The following INPP5J variants were observed in gnomAD, a reference collection of about 807,000 sequenced individuals.
The protein encoded by INPP5J is inositol polyphosphate-5-phosphatase J, also known as phosphatidylinositol 4,5-bisphosphate 5-phosphatase A.
In INPP5J, 75 loss-of-function variants were observed where a neutral mutation model predicts 86.6. The ratio of observed to expected loss-of-function variants is 0.87; its 90% CI spans 0.72 to 1.05. The LOEUF (loss-of-function observed/expected upper bound fraction) is 1.05, where lower values mean the gene tolerates loss of function less well. Ranked by LOEUF, INPP5J falls within the 50% of genes least tolerant of loss-of-function variation. The pLI, the probability that INPP5J is intolerant of heterozygous loss-of-function variation, is 0.00. For synonymous variants in INPP5J, 540 were observed against 550.0 expected, an observed-to-expected ratio of 0.98 and a Z score of 0.25; for missense variants, 1,229 against 1,341.2, an observed-to-expected ratio of 0.92 and a Z score of 1.31.
In INPP5J at chr22:31,125,710, C is replaced by A. The variant is rs746798992; in HGVS notation, c.971C>A (p.Ser324Tyr). The A allele has an allele frequency of 1.3e-6, 2 of 1,550,938 alleles. No individual in the cohort carries two copies. Among genetic ancestry groups the A allele is most frequent in the Non-Finnish European group, 1.7e-6 (2 of 1,146,726 alleles). The change falls in exon 2 of 13, where the codon TCC (serine) becomes TAC (tyrosine). Residue 324 changes from serine (S) to tyrosine (Y), a missense_variant. Physicochemically the swap from Ser to Tyr is moderately radical, Grantham distance 144 (BLOSUM62 -2). Transcript: ENST00000331075. ...EPGTHSPGLLSPTFRPGAPSG... is the reference protein window; with the variant it reads ...EPGTHSPGLLYPTFRPGAPSG... ...GGCACTCACTCCCCTGGACTTCTGTCCCCCACCTTCCGGCCTGGGGCCCCC... is the reference window on the plus strand; with the variant it reads ...GGCACTCACTCCCCTGGACTTCTGTACCCCACCTTCCGGCCTGGGGCCCCC...
chr22:31,131,478 G>C (rs1474794800), intron 9 of INPP5J, among the ~76,000 whole-genome samples: 1 of 151,924 alleles, frequency 6.6e-6, no homozygotes, highest in East Asian at 1.9e-4. Flanking sequence ...TAGAGGAATT[G>C]CTTGAACCCG....
chr22:31,125,464 C>A lies in INPP5J; in HGVS notation c.725C>A (p.Ala242Asp), dbSNP rs866331367. 25 of 1,550,574 alleles carry A rather than the reference C, an allele frequency of 1.6e-5. No homozygotes were observed. In the African/African-American group the frequency reaches 1.9e-4, roughly 12 times the overall value. Residue 242 changes from alanine (A) to aspartate (D), a missense_variant, in exon 2 of 13, where the codon GCC becomes GAC. Ala to Asp is a moderately radical substitution (Grantham distance 126). Transcript: ENST00000331075. ...TCAGCTAGAAAGAGGGATGCCCCAG[C>A]CCCTAGACCTCTCCCTGCTTCTGAG... ...QTSARKRDAP[A>D]PRPLPASEGH...
intron 6 of INPP5J, 176 bp from the exon 7 acceptor site, chr22:31,127,775 C>T: frequency 1.6e-6 from 1 of 642,260 alleles, no homozygotes; most frequent in Admixed American, 2.8e-5. Context: ...GTAGACCGGT[C>T]CCTCTGCTTT....
intron 9 of INPP5J, among the ~76,000 whole-genome samples, chr22:31,132,417 T>C (rs1326289357): frequency 6.6e-6 from 1 of 152,176 alleles, no homozygotes; most frequent in Non-Finnish European, 1.5e-5. Flanking sequence ...TCACTGAATC[T>C]GCTGAACAAC....
Position 31,128,396 on chromosome 22 carries a change from G to A in INPP5J, c.2009+73G>A, listed in dbSNP as rs556409243. Reference sequence around the variant, plus strand: ...CTCGAACAGGGAGACTTTGGGAAGAGGGGCAGGAGGCAAGGTGGAGGGTTA... The same window carrying A: ...CTCGAACAGGGAGACTTTGGGAAGAAGGGCAGGAGGCAAGGTGGAGGGTTA... On this transcript the variant is annotated intron_variant, in intron 8 of 12. Coordinates refer to ENST00000331075, the MANE Select transcript of INPP5J (RefSeq NM_001284285.2). 12 of 1,577,066 alleles carry A rather than the reference G, an allele frequency of 7.6e-6. No homozygotes were observed. In the Admixed American group the frequency reaches 1.6e-4, roughly 22 times the overall value.
intron 9 of INPP5J, among the ~76,000 whole-genome samples, chr22:31,132,398 A>C (rs1922133319): frequency 1.3e-5 from 2 of 152,166 alleles, no homozygotes; most frequent in African/African-American, 4.8e-5. Context: ...ATGCTTTGCA[A>C]ATGGTGTCTC....
chr22:31,125,689 C>G lies in INPP5J; in HGVS notation c.950C>G (p.Thr317Ser). ...GGCCAGGGTCCTTCAGAGCCTGGCACTCACTCCCCTGGACTTCTGTCCCCC... is the reference window on the plus strand; with the variant it reads ...GGCCAGGGTCCTTCAGAGCCTGGCAGTCACTCCCCTGGACTTCTGTCCCCC... ...DVGQGPSEPG[T>S]HSPGLLSPTF... The change falls in exon 2 of 13, where the codon ACT (threonine) becomes AGT (serine). Residue 317 changes from threonine (T) to serine (S), a missense_variant. Transcript: ENST00000331075. 6.4e-7 allele frequency: 1 copy of G among 1,550,978 alleles called. No individual in the cohort carries two copies. The highest frequency in any genetic ancestry group is 8.7e-7 in the Non-Finnish European group (1 of 1,146,988).
At chr22:31,133,770 C>T (rs1293417604) in intron 12 of INPP5J, 56 bp downstream of exon 12, 7 of 1,565,574 alleles carry the variant, frequency 4.5e-6, no homozygotes, top group Admixed American at 3.4e-5. Context: ...TCAAATGCCA[C>T]AGCCTCTACA....
At position 31,133,422 on chromosome 22, in the gene INPP5J, G is replaced by A. The variant is rs1472400099; in HGVS notation, c.2348G>A (p.Cys783Tyr). The change falls in exon 11 of 13, where the codon TGC becomes TAC. Residue 783 changes from cysteine to tyrosine, a missense_variant. Cys to Tyr is a radical substitution (Grantham distance 194). Transcript: ENST00000331075. ...IGLYRVGFRH[C>Y]KDYVAYVWAK... is the part of the protein sequence containing the mutation. ...ATCCCCCAGGTGGGTTTCCGCCATT[G>A]CAAGGACTATGTGGCTTATGTCTGG... The A allele has an allele frequency of 1.2e-6, 2 of 1,613,904 alleles. No homozygotes were observed. Among genetic ancestry groups the A allele is most frequent in the South Asian group, 2.2e-5 (2 of 91,070 alleles).
At chr22:31,128,108 C>A in intron 7 of INPP5J, 46 bp downstream of exon 7, 1 of 1,483,156 alleles carries the variant, frequency 6.7e-7, no homozygotes, top group Non-Finnish European at 9.4e-7. Context: ...TCCCAGGACA[C>A]GCCTGTACCT....
At chr22:31,131,728 T>A (rs562531854) in intron 9 of INPP5J, among the ~76,000 whole-genome samples, 1 of 152,208 alleles carries the variant, frequency 6.6e-6, no homozygotes, top group Non-Finnish European at 1.5e-5. Context: ...CTTAAGTCTC[T>A]TAGCCAAGGC....
In INPP5J at chr22:31,125,137, T is replaced by C; in HGVS notation, c.398T>C (p.Leu133Pro). The stretch of plus-strand genomic sequence containing the variant: ...CCCCCAGCGACCACAGGCTCAGTTC[T>C]GGCTCCGACGTCCCTGGGGCTGGTG... Reference protein sequence around the residue: ...KPPPATTGSVLAPTSLGLVMP... With the variant: ...KPPPATTGSVPAPTSLGLVMP... Residue 133 changes from leucine to proline, a missense_variant, in exon 2 of 13, where the codon CTG (leucine) becomes CCG (proline). Leu to Pro is a moderately conservative substitution (Grantham distance 98). Coordinates refer to ENST00000331075, the MANE Select transcript of INPP5J (RefSeq NM_001284285.2). The C allele has an allele frequency of 6.5e-7, 1 of 1,550,318 alleles. No homozygotes were observed. Among genetic ancestry groups the C allele is most frequent in the Non-Finnish European group, 8.7e-7 (1 of 1,146,954 alleles).
rs951733744 is a variant in INPP5J at position 31,122,984 on chromosome 22, A to C, written c.-31A>C. ...GAGCGGTAGAGCTGGAGCCGGAGCC[A>C]AGGGAGTCCAGGCTGCCGGGGGCTG... is the stretch of plus-strand genomic sequence containing the variant. On this transcript the variant is annotated 5_prime_UTR_variant, in exon 1 of 13. Transcript: ENST00000331075. 1 of 1,368,492 alleles carries C rather than the reference A, an allele frequency of 7.3e-7. No homozygotes were observed. Among genetic ancestry groups the C allele is most frequent in the Non-Finnish European group, 9.6e-7 (1 of 1,044,192 alleles). The allele number at this position is 1,368,492 out of a possible 1,614,324, so 84.8% of individuals were successfully genotyped here.
At chr22:31,127,159 C>T in intron 5 of INPP5J, 122 bp downstream of exon 5, 1 of 817,262 alleles carries the variant, frequency 1.2e-6, no homozygotes, top group Non-Finnish European at 2.0e-6. Context: ...CGGCCCAGCC[C>T]CCCCATGCAC....
In INPP5J at chr22:31,125,808, A is replaced by G. The variant is rs1036153664; in HGVS notation, c.1069A>G (p.Asn357Asp). 7 of 1,593,310 alleles carry G rather than the reference A, an allele frequency of 4.4e-6. No individual in the cohort carries two copies. Among genetic ancestry groups the G allele is most frequent in the Non-Finnish European group, 6.0e-6 (7 of 1,170,452 alleles). The change falls in exon 2 of 13, where the codon AAT (asparagine) becomes GAT (aspartate). Residue 357 changes from asparagine to aspartate, a missense_variant. Coordinates refer to ENST00000331075, the MANE Select transcript of INPP5J (RefSeq NM_001284285.2). ...SPSRSPSHSP[N>D]RSPCVPPAPD... ...CAGCCGTTCCCCAAGCCACTCCCCGAATCGCTCTCCCTGTGTTCCCCCAGC... is the reference window on the plus strand; with the variant it reads ...CAGCCGTTCCCCAAGCCACTCCCCGGATCGCTCTCCCTGTGTTCCCCCAGC...
chr22:31,134,580 C>T lies in INPP5J; in HGVS notation c.*161C>T. On this transcript the variant is annotated 3_prime_UTR_variant, in exon 13 of 13. Transcript: ENST00000331075. ...GGTCCCCCAAAACTCAGTCCTGGCA[C>T]CTCAACTGTGACAATCAGCAAAGCC... is the stretch of plus-strand genomic sequence containing the variant. 1.6e-6 allele frequency: 1 copy of T among 638,188 alleles called. No individual in the cohort carries two copies. Among genetic ancestry groups the T allele is most frequent in the Non-Finnish European group, 2.4e-6 (1 of 418,380 alleles). 39.5% of individuals were successfully genotyped at this position (638,188 alleles called of 1,614,324 possible). A position where few individuals can be genotyped will look rare whatever the true frequency, so the allele number is the denominator to read the frequency against.
chr22:31,124,275 G>C, intron 1 of INPP5J: 7 of 987,038 alleles, frequency 7.1e-6, no homozygotes, highest in Non-Finnish European at 8.4e-6. Flanking sequence ...TAAGAGAACA[G>C]AGAGGGCTGT....
intron 9 of INPP5J, among the ~76,000 whole-genome samples, chr22:31,129,667 CTGAG>C (rs1173470966): frequency 1.3e-5 from 2 of 151,146 alleles, no homozygotes; most frequent in Non-Finnish European, 2.9e-5. Flanking sequence ...CCTCAGCCTC[CTGAG>C]TAACTGGGAT....
intron 5 of INPP5J, 90 bp downstream of exon 5, chr22:31,127,127 C>A: frequency 1.0e-6 from 1 of 956,058 alleles, no homozygotes; most frequent in Non-Finnish European, 1.6e-6. Flanking sequence ...GGTCCCCTTC[C>A]CATCCTCCAC....
Sources: allele counts gnomAD v4.1 joint callset (sites outside exome capture counted in the v4.1 genomes callset), GRCh38; gene constraint gnomAD v4.1.1; transcripts MANE v1.5; gene names NCBI Gene and HGNC (gene_info 2026-07-23, HGNC 2026-07-21).